Variants in BMP6 observed in about 807,000 individuals in gnomAD.
The protein encoded by BMP6 is VG-1-R.
A neutral mutation model predicts 54.1 loss-of-function variants in BMP6; 17 were observed. The observed-to-expected ratio is 0.31, with a 90% CI of 0.22 to 0.47. The LOEUF (loss-of-function observed/expected upper bound fraction) is 0.47, where lower values mean the gene tolerates loss of function less well. BMP6 is among the 20% of genes least tolerant of loss of function. The pLI is 1.00. For synonymous variants in BMP6, 328 were observed against 291.2 expected, an observed-to-expected ratio of 1.13 and a Z score of -1.28; for missense variants, 720 against 690.4, an observed-to-expected ratio of 1.04 and a Z score of -0.48.
At chr6:7,848,322 C>T (rs1759096544) in intron 2 of BMP6, among the ~76,000 whole-genome samples, 1 of 152,228 alleles carries the variant, frequency 6.6e-6, no homozygotes, top group Non-Finnish European at 1.5e-5. Context: ...TCCCCAACTA[C>T]ACCTATAGAT....
chr6:7,835,591 T>G (rs1169861378), intron 1 of BMP6, among the ~76,000 whole-genome samples: 2 of 152,218 alleles, frequency 1.3e-5, no homozygotes, highest in African/African-American at 4.8e-5. Flanking sequence ...AGGCATGTTG[T>G]GTAGATTGAT....
intron 1 of BMP6, among the ~76,000 whole-genome samples, chr6:7,750,576 A>C (rs1292268612): frequency 6.6e-6 from 1 of 152,208 alleles, no homozygotes; most frequent in Admixed American, 6.5e-5. Flanking sequence ...TTTGCTGCTT[A>C]ATTAAATGAC....
intron 1 of BMP6, among the ~76,000 whole-genome samples, chr6:7,763,949 A>T (rs956267661): frequency 6.6e-6 from 1 of 152,222 alleles, no homozygotes; most frequent in African/African-American, 2.4e-5. Flanking sequence ...CCGTTGGATC[A>T]AGCGTATGTG....
At chr6:7,859,349 A>C (rs1417358890) in intron 2 of BMP6, among the ~76,000 whole-genome samples, 1 of 151,910 alleles carries the variant, frequency 6.6e-6, no homozygotes, top group African/African-American at 2.4e-5. Context: ...CCTTATTATA[A>C]GTCTTTAAAA....
chr6:7,797,382 C>T (rs989223221), intron 1 of BMP6, among the ~76,000 whole-genome samples: 30 of 152,222 alleles, frequency 2.0e-4, no homozygotes, highest in African/African-American at 5.8e-4. Flanking sequence ...TCTTGGCATC[C>T]GAGGCTAAGG....
intron 2 of BMP6, among the ~76,000 whole-genome samples, chr6:7,854,242 G>A (rs902185371): frequency 2.0e-5 from 3 of 152,256 alleles, no homozygotes; most frequent in African/African-American, 7.2e-5. Flanking sequence ...TCCATACTAT[G>A]TTGTCCAGCT....
chr6:7,872,851 C>T (rs960487574), intron 4 of BMP6, among the ~76,000 whole-genome samples: 45 of 136,392 alleles, frequency 3.3e-4, no homozygotes, highest in African/African-American at 2.3e-4. Flanking sequence ...CTTGCTTTCT[C>T]GCCCAGGCTG....
chr6:7,763,966 G>A (rs1254170712), intron 1 of BMP6, among the ~76,000 whole-genome samples: 4 of 152,164 alleles, frequency 2.6e-5, no homozygotes, highest in South Asian at 2.1e-4. Context: ...TGTGTCCTGC[G>A]TTCATTTCTA....
At chr6:7,862,150 C>T (rs570443405) in intron 3 of BMP6, 151 bp from the exon 4 acceptor site, 2 of 910,322 alleles carry the variant, frequency 2.2e-6, no homozygotes, top group Admixed American at 2.4e-5. Context: ...CCCATGGGTG[C>T]CAGGCAAGGT....
chr6:7,847,282 G>A (rs1284682801), intron 2 of BMP6, among the ~76,000 whole-genome samples: 1 of 152,210 alleles, frequency 6.6e-6, no homozygotes, highest in Admixed American at 6.5e-5. Context: ...GCATAGGAAA[G>A]GGGAAATTCT....
In BMP6 at chr6:7,735,241, G is replaced by A. The variant is rs1314350386; in HGVS notation, c.664+7622G>A. ...TCTGCGTTTGTTGATTGTTGTTGCT[G>A]TGTTTACAGTCCTGTTGGTTTCCTG... is the stretch of plus-strand genomic sequence containing the variant. On this transcript the variant is annotated intron_variant, in intron 1 of 6. Coordinates refer to ENST00000283147, the MANE Select transcript of BMP6 (RefSeq NM_001718.6). 2.0e-5 allele frequency among the ~76,000 whole-genome samples: 3 copies of A among 152,176 alleles called. No individual in the cohort carries two copies. In the South Asian group the frequency reaches 6.2e-4, roughly 32 times the overall value.
At chr6:7,858,844 A>G (rs1759289470) in intron 2 of BMP6, among the ~76,000 whole-genome samples, 1 of 150,366 alleles carries the variant, frequency 6.7e-6, no homozygotes, top group Non-Finnish European at 1.5e-5. Flanking sequence ...TCGCTGCCAT[A>G]GGACCACATA....
At chr6:7,809,129 G>A (rs951546190) in intron 1 of BMP6, among the ~76,000 whole-genome samples, 2 of 95,560 alleles carry the variant, frequency 2.1e-5, no homozygotes, top group Non-Finnish European at 4.0e-5. Context: ...AAAAAAAAAC[G>A]CTTTTTAAAC....
chr6:7,854,286 T>C (rs1759189988), intron 2 of BMP6, among the ~76,000 whole-genome samples: 2 of 152,176 alleles, frequency 1.3e-5, no homozygotes, highest in Non-Finnish European at 1.5e-5. Context: ...TGGTTAAGAT[T>C]ACTTTGTAAC....
intron 1 of BMP6, among the ~76,000 whole-genome samples, chr6:7,803,614 G>A (rs1027759422): frequency 6.6e-6 from 1 of 152,046 alleles, no homozygotes; most frequent in Non-Finnish European, 1.5e-5. Flanking sequence ...GCAAGGCCTG[G>A]TTCACGTGGC....
Position 7,807,978 on chromosome 6 carries a change from T to C in BMP6, c.665-37162T>C, listed in dbSNP as rs535571414. ...CTCTGTTGCCCAGGCTGGAGTGCAG[T>C]GGCACGATCTCAGCTCACTGCAATC... On this transcript the variant is annotated intron_variant, in intron 1 of 6. Coordinates refer to ENST00000283147, the MANE Select transcript of BMP6 (RefSeq NM_001718.6). 2.1e-5 allele frequency among the ~76,000 whole-genome samples: 3 copies of C among 144,262 alleles called. No homozygotes were observed. In the East Asian group the frequency reaches 6.3e-4, roughly 31 times the overall value. 94.6% of individuals were successfully genotyped at this position (144,262 alleles called of 152,430 possible). A position where few individuals can be genotyped will look rare whatever the true frequency, so the allele number is the denominator to read the frequency against.
At chr6:7,853,191 CTT>C (rs1759172959) in intron 2 of BMP6, among the ~76,000 whole-genome samples, 1 of 152,108 alleles carries the variant, frequency 6.6e-6, no homozygotes, top group South Asian at 2.1e-4. Context: ...TCTAAGAGAA[CTT>C]CAAACAAGTG....
At chr6:7,784,904 A>G (rs1177098085) in intron 1 of BMP6, among the ~76,000 whole-genome samples, 2 of 152,162 alleles carry the variant, frequency 1.3e-5, no homozygotes, top group African/African-American at 2.4e-5. Context: ...GAAGTGAAAG[A>G]AGGTTGTGTG....
chr6:7,865,631 G>T (rs1315604146), intron 4 of BMP6, among the ~76,000 whole-genome samples: 2 of 152,190 alleles, frequency 1.3e-5, no homozygotes, highest in Non-Finnish European at 2.9e-5. Context: ...CTCCCTCGGG[G>T]TCTCTGTGAG....
Sources: gnomAD v4.1 joint callset for allele counts (sites outside exome capture counted in the v4.1 genomes callset) on GRCh38, gnomAD v4.1.1 for gene constraint, MANE v1.5 for transcripts, NCBI Gene and HGNC (gene_info 2026-07-23, HGNC 2026-07-21) for gene names.